ZFHX3: variants seen among roughly 807,000 people sequenced by gnomAD.
ZFHX3 encodes zinc finger homeobox 3.
A neutral mutation model predicts 279.1 loss-of-function variants in ZFHX3; 42 were observed. That is an observed-to-expected ratio of 0.15 (90% CI 0.12 to 0.19). The LOEUF is 0.19. Among genes scored for constraint, ZFHX3 ranks in the 10% least tolerant of loss-of-function variants. The pLI is 1.00. For synonymous variants in ZFHX3, 2,293 were observed against 1,957.8 expected (o/e 1.17, Z -4.52); for missense variants, 4,981 against 4,754.0 (o/e 1.05, Z -1.40).
chr16:72,795,740 C>T lies in ZFHX3; in HGVS notation c.6942G>A (p.Glu2314=), dbSNP rs2143420294. 6.2e-7 allele frequency: 1 copy of T among 1,614,140 alleles called. No homozygotes were observed. Among genetic ancestry groups the T allele is most frequent in the East Asian group, 2.2e-5 (1 of 44,882 alleles). ...QGEGKDGERR[E]LTNDRYIRTS... is the part of the protein sequence containing the mutation. ...TTCGAATGTATCTATCATTTGTAAG[C>T]TCACGCCGCTCTCCATCTTTGCCCT... is the stretch of plus-strand genomic sequence containing the variant. The change falls in exon 9 of 10, where the codon GAG becomes GAA. Residue 2314 remains glutamate (E), a synonymous_variant. Transcript: ENST00000268489.
intron 1 of ZFHX3, among the ~76,000 whole-genome samples, chr16:73,840,667 G>C (rs1961279696): frequency 6.6e-6 from 1 of 152,210 alleles, no homozygotes; most frequent in African/African-American, 2.4e-5. Flanking sequence ...CCAAGGCACT[G>C]TACAGTTGTG....
At chr16:73,460,775 C>A (rs2018457573) in intron 2 of ZFHX3, among the ~76,000 whole-genome samples, 2 of 152,182 alleles carry the variant, frequency 1.3e-5, no homozygotes, top group African/African-American at 2.4e-5. Context: ...GCTGTCCTCA[C>A]AACAGTGAGT....
intron 1 of ZFHX3, among the ~76,000 whole-genome samples, chr16:73,006,452 A>T (rs948010153): frequency 1.3e-5 from 2 of 151,930 alleles, no homozygotes; most frequent in African/African-American, 4.8e-5. Flanking sequence ...GTGAGACCCC[A>T]ATCTCTATGA....
chr16:73,390,764 C>G (rs894291913), intron 3 of ZFHX3, among the ~76,000 whole-genome samples: 3 of 152,068 alleles, frequency 2.0e-5, no homozygotes, highest in African/African-American at 7.2e-5. Context: ...GAAAGGAGAT[C>G]TTTCTTATTA....
intron 3 of ZFHX3, among the ~76,000 whole-genome samples, chr16:72,899,689 G>A (rs1381890095): frequency 2.0e-5 from 3 of 152,072 alleles, no homozygotes; most frequent in Non-Finnish European, 2.9e-5. Flanking sequence ...GTGCCACGTA[G>A]GGCAAGTCAC....
chr16:73,789,692 GC>G (rs1486210227), intron 1 of ZFHX3, among the ~76,000 whole-genome samples: 1 of 152,128 alleles, frequency 6.6e-6, no homozygotes, highest in Non-Finnish European at 1.5e-5. Context: ...TAAATACGTT[GC>G]CAGGCAGCAA....
At chr16:73,756,940 A>G (rs1307364427) in intron 1 of ZFHX3, among the ~76,000 whole-genome samples, 1 of 152,082 alleles carries the variant, frequency 6.6e-6, no homozygotes, top group African/African-American at 2.4e-5. Flanking sequence ...AGAGAGCTAC[A>G]TTTTTCTAGT....
At chr16:73,866,699 G>T (rs1026449803) in intron 1 of ZFHX3, among the ~76,000 whole-genome samples, 4 of 152,188 alleles carry the variant, frequency 2.6e-5, no homozygotes, top group Non-Finnish European at 5.9e-5. Flanking sequence ...TTCCAGTTGG[G>T]CTTCCCTCAG....
Position 73,226,393 on chromosome 16 carries a change from T to C in ZFHX3, c.-1104+30654A>G, listed in dbSNP as rs369492385. ...GTACACATGTTGTTCTAAGCTGACA[T>C]GTTTAAAGCGCATGCTATTTTAAAA... On this transcript the variant is annotated intron_variant, in intron 5 of 17. Coordinates refer to the ZFHX3 transcript ENST00000641206. Among the ~76,000 whole-genome samples, 4 of 152,388 alleles carry C rather than the reference T, an allele frequency of 2.6e-5. No homozygotes were observed. The South Asian group carries it at 6.2e-4, about 24-fold the overall frequency.
intron 4 of ZFHX3, among the ~76,000 whole-genome samples, chr16:72,871,162 A>T (rs939517356): frequency 2.0e-5 from 3 of 152,130 alleles, no homozygotes; most frequent in Non-Finnish European, 4.4e-5. Context: ...GTCTGAAATT[A>T]TATCAACATT....
intron 2 of ZFHX3, among the ~76,000 whole-genome samples, chr16:73,590,398 G>A (rs2051982102): frequency 6.6e-6 from 1 of 152,098 alleles, no homozygotes; most frequent in Admixed American, 6.5e-5. Flanking sequence ...GGGACATGTT[G>A]GAAAACAAGG....
At chr16:73,716,778 C>G (rs143789455) in intron 1 of ZFHX3, among the ~76,000 whole-genome samples, 1 of 152,134 alleles carries the variant, frequency 6.6e-6, no homozygotes, top group African/African-American at 2.4e-5. Flanking sequence ...TTGGGAGGAG[C>G]AATTTACAGA....
At chr16:73,159,392 A>G (rs528254476) in intron 5 of ZFHX3, among the ~76,000 whole-genome samples, 15 of 152,212 alleles carry the variant, frequency 9.9e-5, no homozygotes, top group Non-Finnish European at 1.9e-4. Context: ...TTTTCGGCCA[A>G]TGGGAGGATA....
chr16:73,184,343 G>A (rs1967867436), intron 5 of ZFHX3, among the ~76,000 whole-genome samples: 1 of 152,216 alleles, frequency 6.6e-6, no homozygotes, highest in African/African-American at 2.4e-5. Context: ...CCAAGCGAGG[G>A]TTTCATGGAA....
chr16:73,563,291 G>T (rs573445559), intron 2 of ZFHX3, among the ~76,000 whole-genome samples: 147 of 150,674 alleles, frequency 9.8e-4, no homozygotes, highest in African/African-American at 3.3e-3. Flanking sequence ...GGGCTGGAGC[G>T]CATTGGTGTG....
chr16:73,884,205 A>G (rs2030273445), intron 1 of ZFHX3, among the ~76,000 whole-genome samples: 1 of 152,184 alleles, frequency 6.6e-6, no homozygotes, highest in African/African-American at 2.4e-5. Flanking sequence ...GGTTTCTGGA[A>G]GACAAAGGGG....
chr16:73,254,135 C>T (rs1254499050), intron 5 of ZFHX3, among the ~76,000 whole-genome samples: 2 of 152,168 alleles, frequency 1.3e-5, no homozygotes, highest in African/African-American at 4.8e-5. Flanking sequence ...ATTCCCAACC[C>T]TGTGGGACTC....
In ZFHX3 at chr16:72,959,405, G is replaced by C; in HGVS notation, c.741C>G (p.Ser247Arg). Residue 247 changes from serine to arginine, a missense_variant, in exon 2 of 10, where the codon AGC (serine) becomes AGG (arginine). Ser to Arg is a moderately radical substitution (Grantham distance 110, BLOSUM62 -1). Transcript: ENST00000268489. The stretch of plus-strand genomic sequence containing the variant: ...CGCAGGAGCTTTTGGCAGAACCGTC[G>C]CTGTTCAGGTAATCCTTGTTGCTTT... The part of the protein sequence containing the change: ...RHKSNKDYLN[S>R]DGSAKSSCVS... 6.2e-7 allele frequency: 1 copy of C among 1,614,216 alleles called. No individual in the cohort carries two copies. Among genetic ancestry groups the C allele is most frequent in the Non-Finnish European group, 8.5e-7 (1 of 1,180,036 alleles).
chr16:73,817,692 G>A (rs866655588), intron 1 of ZFHX3, among the ~76,000 whole-genome samples: 3 of 152,302 alleles, frequency 2.0e-5, no homozygotes, highest in East Asian at 3.9e-4. Flanking sequence ...CCCTGGAGAC[G>A]AGCAGCATTC....
Sources: gnomAD v4.1 joint callset for allele counts (sites outside exome capture counted in the v4.1 genomes callset) on GRCh38, gnomAD v4.1.1 for gene constraint, MANE v1.5 for transcripts, NCBI Gene and HGNC (gene_info 2026-07-23, HGNC 2026-07-21) for gene names.